The following RPSA2 variants were observed in gnomAD, a reference collection of about 807,000 sequenced individuals.
RPSA2 encodes the protein small ribosomal subunit protein uS2B.
chr19:23,860,483 TC>T, the RPSA2 span, among the ~76,000 whole-genome samples: 2 of 152,188 alleles, frequency 1.3e-5, no homozygotes, highest in Non-Finnish European at 2.9e-5. Context: ...CTCCACTTCT[TC>T]TTGCTGATTG....
the RPSA2 span, among the ~76,000 whole-genome samples, chr19:23,797,317 C>G: frequency 6.6e-6 from 1 of 152,054 alleles, no homozygotes; most frequent in African/African-American, 2.4e-5. Context: ...ACCATCTTGG[C>G]CAGGCTGGTC....
the RPSA2 span, among the ~76,000 whole-genome samples, chr19:23,847,605 G>A: frequency 6.6e-6 from 1 of 152,208 alleles, no homozygotes; most frequent in Non-Finnish European, 1.5e-5. Context: ...AAGAGCCTAT[G>A]TTCAGTGGTG....
the RPSA2 span, among the ~76,000 whole-genome samples, chr19:23,794,226 G>A: frequency 6.6e-6 from 1 of 152,146 alleles, no homozygotes; most frequent in Non-Finnish European, 1.5e-5. Context: ...CAATTATGAG[G>A]TTGCTTGGTG....
At chr19:23,820,166 C>T in the RPSA2 span, among the ~76,000 whole-genome samples, 3 of 152,174 alleles carry the variant, frequency 2.0e-5, no homozygotes, top group African/African-American at 7.2e-5. Flanking sequence ...TTCCCAGGGT[C>T]CTGGTGGGCC....
the RPSA2 span, among the ~76,000 whole-genome samples, chr19:23,870,036 C>T: frequency 6.6e-6 from 1 of 152,204 alleles, no homozygotes; most frequent in Admixed American, 6.5e-5. Flanking sequence ...ATTTGGGTCA[C>T]ATTCCTGGGC....
the RPSA2 span, among the ~76,000 whole-genome samples, chr19:23,843,785 G>A: frequency 7.9e-5 from 12 of 151,960 alleles, no homozygotes; most frequent in Admixed American, 3.3e-4. Context: ...TTGAGATGAA[G>A]TTTCACTCTT....
chr19:23,830,293 TG>T, the RPSA2 span, among the ~76,000 whole-genome samples: 1 of 152,132 alleles, frequency 6.6e-6, no homozygotes, highest in African/African-American at 2.4e-5. Context: ...TACAGGCATG[TG>T]CCACCACACC....
the RPSA2 span, among the ~76,000 whole-genome samples, chr19:23,820,179 T>C: frequency 6.6e-6 from 1 of 152,198 alleles, no homozygotes. Flanking sequence ...GGTGGGCCCC[T>C]GTATTAGGTT....
At chr19:23,762,101 A>G in the RPSA2 span, among the ~76,000 whole-genome samples, 1 of 150,820 alleles carries the variant, frequency 6.6e-6, no homozygotes, top group South Asian at 2.1e-4. Context: ...TATTTTTAGT[A>G]GAGACGGGGT....
chr19:23,862,216 T>C, the RPSA2 span, among the ~76,000 whole-genome samples: 1 of 152,156 alleles, frequency 6.6e-6, no homozygotes, highest in Admixed American at 6.5e-5. Context: ...GTGATTTTTG[T>C]ACATTGATTT....
the RPSA2 span, among the ~76,000 whole-genome samples, chr19:23,840,014 C>T: frequency 6.6e-6 from 1 of 152,286 alleles, no homozygotes; most frequent in East Asian, 1.9e-4. Flanking sequence ...GAGGGTTGTC[C>T]TGATGCCTTT....
the RPSA2 span, chr19:23,828,115 TAA>T: frequency 7.7e-6 from 3 of 391,232 alleles, 1 homozygote; most frequent in South Asian, 9.2e-5. Flanking sequence ...CATCAGTTTC[TAA>T]AAAAAAAAAA....
chr19:23,868,728 G>T, the RPSA2 span, among the ~76,000 whole-genome samples: 1 of 152,170 alleles, frequency 6.6e-6, no homozygotes, highest in South Asian at 2.1e-4. Flanking sequence ...CTGCTGTGGG[G>T]ACAAGGGTAT....
At chr19:23,822,771 C>T in the RPSA2 span, among the ~76,000 whole-genome samples, 1 of 152,074 alleles carries the variant, frequency 6.6e-6, no homozygotes, top group African/African-American at 2.4e-5. Context: ...TGCTCAGTGG[C>T]CAGCCTTGGT....
chr19:23,839,987 G>T, the RPSA2 span, among the ~76,000 whole-genome samples: 1 of 152,214 alleles, frequency 6.6e-6, no homozygotes, highest in Non-Finnish European at 1.5e-5. Context: ...TCCTGCAGGA[G>T]CAGTCTGCTT....
the RPSA2 span, among the ~76,000 whole-genome samples, chr19:23,860,578 A>T: frequency 6.7e-6 from 1 of 149,512 alleles, no homozygotes; most frequent in South Asian, 2.1e-4. Flanking sequence ...GTAGATGTCA[A>T]GAAATGGTTC....
At chr19:23,772,581 C>T in the RPSA2 span, among the ~76,000 whole-genome samples, 1 of 152,118 alleles carries the variant, frequency 6.6e-6, no homozygotes, top group African/African-American at 2.4e-5. Context: ...AATTGCCACC[C>T]TCCCACATAT....
At chr19:23,838,140 T>A in the RPSA2 span, among the ~76,000 whole-genome samples, 5 of 152,090 alleles carry the variant, frequency 3.3e-5, no homozygotes, top group Non-Finnish European at 1.5e-5. Flanking sequence ...TTGCTGAGAG[T>A]TTTAATTATA....
At chr19:23,870,208 TC>T in the RPSA2 span, among the ~76,000 whole-genome samples, 3 of 152,198 alleles carry the variant, frequency 2.0e-5, no homozygotes, top group Non-Finnish European at 4.4e-5. Flanking sequence ...TGCTGTAATG[TC>T]CTCTGTAGCT....
Sources: gnomAD v4.1 joint callset for allele counts (sites outside exome capture counted in the v4.1 genomes callset) on GRCh38, gnomAD v4.1.1 for gene constraint, MANE v1.5 for transcripts, NCBI Gene and HGNC (gene_info 2026-07-23, HGNC 2026-07-21) for gene names.